RAP1GAP2: variants seen among roughly 807,000 people sequenced by gnomAD.
The protein encoded by RAP1GAP2 is rap1 GTPase-activating protein 2.
Under a neutral mutation model 95.0 loss-of-function variants are expected in RAP1GAP2, and 27 were observed. The observed-to-expected ratio is 0.28, with a 90% CI of 0.21 to 0.39. The LOEUF is 0.39. Among genes scored for constraint, RAP1GAP2 ranks in the 10% least tolerant of loss-of-function variants. The probability of loss-of-function intolerance (pLI) is 1.00; values close to 1 mark genes in which losing one functional copy is unlikely to be tolerated. For missense variants in RAP1GAP2, 771 were observed against 970.0 expected, an observed-to-expected ratio of 0.79 and a Z score of 2.72; for synonymous variants, 373 against 380.9, an observed-to-expected ratio of 0.98 and a Z score of 0.24.
At chr17:2,972,489 T>C (rs1264680431) in intron 8 of RAP1GAP2, among the ~76,000 whole-genome samples, 1 of 149,632 alleles carries the variant, frequency 6.7e-6, no homozygotes, top group Non-Finnish European at 1.5e-5. Flanking sequence ...CTGTCTCTAC[T>C]AATAATACAA....
intron 3 of RAP1GAP2, among the ~76,000 whole-genome samples, chr17:2,935,942 T>C (rs2043294932): frequency 6.6e-6 from 1 of 152,068 alleles, no homozygotes. Flanking sequence ...TATAAATGAA[T>C]GATCACTGCT....
rs1050304614 is a variant in RAP1GAP2, at chr17:3,027,863, G to A, written c.2107+793G>A. Among the ~76,000 whole-genome samples, 2 of 151,902 alleles carry A rather than the reference G, an allele frequency of 1.3e-5. No homozygotes were observed. Among genetic ancestry groups the A allele is most frequent in the African/African-American group, 4.8e-5 (2 of 41,342 alleles). On this transcript the variant is annotated intron_variant, in intron 22 of 24. Coordinates refer to ENST00000254695, the MANE Select transcript of RAP1GAP2 (RefSeq NM_015085.5). This position sits in a 1 kb window ranked among gnomAD's most constrained non-coding sequence, Gnocchi z 5.2. ...GAGAGATCAAGGAGGTAAAATGTAC[G>A]GGCTCAGTAGCAGGGGTTCAGAGAG... is the stretch of plus-strand genomic sequence containing the variant.
Position 2,872,925 on chromosome 17 carries a change from A to G in RAP1GAP2, c.81-32359A>G, listed in dbSNP as rs2072908071. Among the ~76,000 whole-genome samples, 4 of 151,838 alleles carry G rather than the reference A, an allele frequency of 2.6e-5. No homozygotes were observed. In the South Asian group the frequency reaches 8.3e-4, roughly 32 times the overall value. On this transcript the variant is annotated intron_variant, in intron 2 of 24. Coordinates refer to ENST00000254695, the MANE Select transcript of RAP1GAP2 (RefSeq NM_015085.5). ...GCGATCCTCCAACCTCAGCCTCCCA[A>G]AAGTGGGACTCTAGTAAAAATACAA...
chr17:2,988,048 G>A (rs2151555691), intron 11 of RAP1GAP2, among the ~76,000 whole-genome samples: 1 of 152,128 alleles, frequency 6.6e-6, no homozygotes, highest in Admixed American at 6.5e-5. Flanking sequence ...TTTCAGCTTT[G>A]TTTTTTACAA....
chr17:2,772,827 C>T (rs868557581), upstream of RAP1GAP2, among the ~76,000 whole-genome samples: 9 of 147,094 alleles, frequency 6.1e-5, no homozygotes, highest in Admixed American at 2.0e-4. Flanking sequence ...GGAAAAGGGG[C>T]GTAATTTCTT....
intron 3 of RAP1GAP2, among the ~76,000 whole-genome samples, chr17:2,935,903 C>G (rs2043293795): frequency 1.3e-5 from 2 of 152,132 alleles, no homozygotes; most frequent in South Asian, 4.1e-4. Flanking sequence ...CGCGGCCGAT[C>G]TGGCGGGTTT....
intron 3 of RAP1GAP2, among the ~76,000 whole-genome samples, chr17:2,933,443 T>G (rs2043217646): frequency 6.6e-6 from 1 of 152,154 alleles, no homozygotes; most frequent in Admixed American, 6.5e-5. Context: ...CCCATGGGGC[T>G]TTGCATTTTC....
intron 1 of RAP1GAP2, among the ~76,000 whole-genome samples, chr17:2,767,359 T>TAA (rs397857982): frequency 0.24 from 12,740 of 53,718 alleles, 2,365 homozygotes; most frequent in Non-Finnish European, 0.3. Context: ...GAGACTCTGT[T>TAA]AAAAAAAAAA....
At chr17:2,983,172 G>T (rs1597794469) in intron 10 of RAP1GAP2, among the ~76,000 whole-genome samples, 1 of 152,128 alleles carries the variant, frequency 6.6e-6, no homozygotes, top group Admixed American at 6.5e-5. Flanking sequence ...CCAATAAGTC[G>T]TTCCTGGTTT....
rs2069118473 is a variant in RAP1GAP2 at position 2,797,231 on chromosome 17, G to C, written c.44+660G>C. Among the ~76,000 whole-genome samples the C allele has an allele frequency of 6.6e-6, 1 of 152,144 alleles. No homozygotes were observed. Among genetic ancestry groups the C allele is most frequent in the African/African-American group, 2.4e-5 (1 of 41,408 alleles). On this transcript the variant is annotated intron_variant, in intron 1 of 24. Coordinates refer to ENST00000254695, the MANE Select transcript of RAP1GAP2 (RefSeq NM_015085.5). The surrounding 1 kb of genome is among the most constrained non-coding windows in gnomAD (Gnocchi z 5.6). ...GCCCACCCTAGCTCTGTCCTAGCCT[G>C]AGCAGCTGCATCTGTCCCCAGCCTC...
At chr17:2,877,816 C>T (rs1321210974) in intron 2 of RAP1GAP2, among the ~76,000 whole-genome samples, 2 of 152,136 alleles carry the variant, frequency 1.3e-5, no homozygotes, top group African/African-American at 2.4e-5. Flanking sequence ...GACAGGAAGC[C>T]ATTTCAAGGC....
intron 2 of RAP1GAP2, among the ~76,000 whole-genome samples, chr17:2,858,893 C>T (rs181114897): frequency 6.6e-6 from 1 of 151,280 alleles, no homozygotes; most frequent in East Asian, 1.9e-4. Flanking sequence ...GCCTGGGCAA[C>T]AGGAAAAAAA....
At chr17:2,846,402 C>A (rs571426111) in intron 2 of RAP1GAP2, among the ~76,000 whole-genome samples, 1 of 151,990 alleles carries the variant, frequency 6.6e-6, no homozygotes, top group Admixed American at 6.6e-5. Flanking sequence ...CCGACTTTGG[C>A]GGTTTGTTTT....
chr17:2,828,507 G>A (rs1392829195), intron 2 of RAP1GAP2, among the ~76,000 whole-genome samples: 1 of 152,074 alleles, frequency 6.6e-6, no homozygotes, highest in African/African-American at 2.4e-5. Context: ...CATTCCAGGT[G>A]GTGGGAACAG....
chr17:2,893,584 C>T (rs372965836), intron 2 of RAP1GAP2, among the ~76,000 whole-genome samples: 15 of 152,192 alleles, frequency 9.9e-5, no homozygotes, highest in African/African-American at 2.9e-4. Context: ...AGGTGAAGGG[C>T]GTTTACGGGC....
At chr17:3,028,878 G>A (rs1311188480) in intron 22 of RAP1GAP2, among the ~76,000 whole-genome samples, 3 of 152,122 alleles carry the variant, frequency 2.0e-5, no homozygotes, top group Admixed American at 1.3e-4. Context: ...TCGGCTCACT[G>A]CAACCTCCGC....
At chr17:2,842,575 G>A (rs1035746394) in intron 2 of RAP1GAP2, among the ~76,000 whole-genome samples, 14 of 150,738 alleles carry the variant, frequency 9.3e-5, no homozygotes, top group Non-Finnish European at 1.6e-4. Flanking sequence ...TACCCTCTAG[G>A]AATGGCATGA....
chr17:2,884,813 C>T (rs997679398), intron 2 of RAP1GAP2, among the ~76,000 whole-genome samples: 3 of 152,280 alleles, frequency 2.0e-5, no homozygotes, highest in East Asian at 1.9e-4. Flanking sequence ...ATCTTCCTCA[C>T]GGAACTGTGC....
chr17:2,816,445 C>T (rs1156764848), intron 2 of RAP1GAP2, among the ~76,000 whole-genome samples: 2 of 152,002 alleles, frequency 1.3e-5, no homozygotes, highest in Non-Finnish European at 2.9e-5. Context: ...TCAAGCGATT[C>T]TCCTGCCTCA....
Sources: allele counts gnomAD v4.1 joint callset (sites outside exome capture counted in the v4.1 genomes callset), GRCh38; gene constraint gnomAD v4.1.1; non-coding constraint Gnocchi (gnomAD v3.1); transcripts MANE v1.5; gene names NCBI Gene and HGNC (gene_info 2026-07-23, HGNC 2026-07-21).